Variants in RBFOX1 observed in about 807,000 individuals in gnomAD.
The protein encoded by RBFOX1 is RNA binding protein fox-1 homolog 1.
Under a neutral mutation model 57.7 loss-of-function variants are expected in RBFOX1, and 8 were observed. The observed-to-expected ratio is 0.14, with a 90% CI of 0.08 to 0.25. The LOEUF (loss-of-function observed/expected upper bound fraction) is 0.25, where lower values mean the gene tolerates loss of function less well. Ranked by LOEUF, RBFOX1 falls within the 10% of genes least tolerant of loss-of-function variation. RBFOX1 has a pLI of 1.00. For synonymous variants in RBFOX1, 326 were observed against 222.4 expected, an observed-to-expected ratio of 1.47 and a Z score of -4.15; for missense variants, 611 against 548.5, an observed-to-expected ratio of 1.11 and a Z score of -1.14.
chr16:6,865,873 C>G (rs1301865220), intron 3 of RBFOX1, among the ~76,000 whole-genome samples: 1 of 152,064 alleles, frequency 6.6e-6, no homozygotes, highest in African/African-American at 2.4e-5. Flanking sequence ...TTCTTCCTGA[C>G]AAGTCTTTTG....
chr16:5,858,444 A>C (rs1407463788), intron 3 of RBFOX1, among the ~76,000 whole-genome samples: 1 of 152,212 alleles, frequency 6.6e-6, no homozygotes, highest in Non-Finnish European at 1.5e-5. Flanking sequence ...CTTCAAGGGC[A>C]AACCAAGGAC....
At position 6,896,986 on chromosome 16, in the gene RBFOX1, G is replaced by C. The variant is rs114839644; in HGVS notation, c.-15-155071G>C. Among the ~76,000 whole-genome samples, 914 of 152,274 alleles carry C rather than the reference G, an allele frequency of 6.0e-3. 13 individuals carry two copies. The highest frequency in any genetic ancestry group is 0.021 in the African/African-American group (864 of 41,540). On this transcript the variant is annotated intron_variant, in intron 3 of 15. Transcript: ENST00000550418. ...CTGACAGGCCGTCTAAGGAAATGTC[G>C]TGGCTAACAGCAGCAGGGGACGCAC...
At chr16:6,092,464 T>G (rs892409825) in intron 1 of RBFOX1, 1 of 152,192 alleles carries the variant, frequency 6.6e-6, no homozygotes, top group South Asian at 2.1e-4. Flanking sequence ...TCTAATAAAT[T>G]GAAAATGTTA....
At chr16:7,425,367 C>G (rs956389954) in intron 4 of RBFOX1, among the ~76,000 whole-genome samples, 2 of 152,136 alleles carry the variant, frequency 1.3e-5, no homozygotes, top group Non-Finnish European at 2.9e-5. Flanking sequence ...TTACCTTCTC[C>G]ACGTCTTCAT....
intron 1 of RBFOX1, among the ~76,000 whole-genome samples, chr16:6,116,394 G>A (rs1231784542): frequency 6.6e-6 from 1 of 152,116 alleles, no homozygotes; most frequent in Admixed American, 6.6e-5. Flanking sequence ...TTCTGCACAT[G>A]TATCCCATAA....
intron 4 of RBFOX1, among the ~76,000 whole-genome samples, chr16:7,094,769 T>TGTGTGTGTGTGGGTGTGTGG (rs989908595): frequency 7.2e-6 from 1 of 138,890 alleles, no homozygotes; most frequent in African/African-American, 2.6e-5. Context: ...TGTGTGTGTG[T>TGTGTGTGTGTGGGTGTGTGG]GTGTGTGGGT....
intron 4 of RBFOX1, among the ~76,000 whole-genome samples, chr16:7,069,861 C>G (rs952662065): frequency 6.6e-6 from 1 of 152,204 alleles, no homozygotes; most frequent in African/African-American, 2.4e-5. Context: ...CCTTACATCA[C>G]TCCAAAATGT....
intron 3 of RBFOX1, among the ~76,000 whole-genome samples, chr16:5,773,588 A>G (rs1464752075): frequency 6.6e-6 from 1 of 152,264 alleles, no homozygotes; most frequent in Non-Finnish European, 1.5e-5. Flanking sequence ...CATTCTGAAC[A>G]GTGTAACAGT....
At chr16:7,665,078 C>A in intron 13 of RBFOX1, 110 bp downstream of exon 13, 2 of 1,601,382 alleles carry the variant, frequency 1.2e-6, no homozygotes, top group South Asian at 1.1e-5. Context: ...TCTCCTTGGT[C>A]TGTAGGAAAT....
intron 2 of RBFOX1, among the ~76,000 whole-genome samples, chr16:6,571,139 T>A (rs2097339057): frequency 6.6e-6 from 1 of 152,192 alleles, no homozygotes; most frequent in African/African-American, 2.4e-5. Flanking sequence ...GTTGACATCA[T>A]TTCAGGCATA....
chr16:5,455,004 T>C (rs2068581180), intron 1 of RBFOX1, among the ~76,000 whole-genome samples: 1 of 113,804 alleles, frequency 8.8e-6, no homozygotes, highest in Non-Finnish European at 1.9e-5. Context: ...TCTTTCTTTC[T>C]TTCTTTCTTT....
At chr16:5,846,099 T>A (rs2151855563) in intron 3 of RBFOX1, among the ~76,000 whole-genome samples, 1 of 151,934 alleles carries the variant, frequency 6.6e-6, no homozygotes, top group East Asian at 1.9e-4. Context: ...GGAGAATCAC[T>A]TGAACCTTGG....
intron 3 of RBFOX1, among the ~76,000 whole-genome samples, chr16:6,711,888 C>T (rs1163055755): frequency 1.3e-5 from 2 of 152,156 alleles, no homozygotes; most frequent in Non-Finnish European, 2.9e-5. Context: ...ACTCAAAAAC[C>T]ACTGTTTCAG....
chr16:7,034,109 C>T (rs2043576270), intron 3 of RBFOX1, among the ~76,000 whole-genome samples: 1 of 152,160 alleles, frequency 6.6e-6, no homozygotes, highest in African/African-American at 2.4e-5. Context: ...GCTTAAGTGC[C>T]ATCCCTGGAG....
chr16:7,373,448 T>G (rs1016088024), intron 4 of RBFOX1, among the ~76,000 whole-genome samples: 1 of 152,138 alleles, frequency 6.6e-6, no homozygotes, highest in African/African-American at 2.4e-5. Flanking sequence ...CTTGGTTTTG[T>G]GAGACCACTA....
At position 7,621,448 on chromosome 16, in the gene RBFOX1, A is replaced by G. The variant is rs575420113; in HGVS notation, c.677-9155A>G. The stretch of plus-strand genomic sequence containing the variant: ...GCTAATTATTGTATTTTTTTGTTAG[A>G]GACGGGTTTTGCCATGTTCTCCAGG... On this transcript the variant is annotated intron_variant, in intron 10 of 15. Coordinates refer to ENST00000550418, the MANE Select transcript of RBFOX1 (RefSeq NM_018723.4). Among the ~76,000 whole-genome samples the G allele has an allele frequency of 1.2e-4, 19 of 152,024 alleles. No homozygotes were observed. In the South Asian group the frequency reaches 2.1e-3, roughly 17 times the overall value.
intron 1 of RBFOX1, among the ~76,000 whole-genome samples, chr16:5,326,418 C>T (rs2064573851): frequency 6.6e-6 from 1 of 152,216 alleles, no homozygotes; most frequent in South Asian, 2.1e-4. Flanking sequence ...CCCATCCATA[C>T]ACTTGAGGCT....
intron 3 of RBFOX1, among the ~76,000 whole-genome samples, chr16:7,041,737 A>G (rs77889819): frequency 0.094 from 14,330 of 152,170 alleles, 1,117 homozygotes; most frequent in East Asian, 0.32. Flanking sequence ...TTGGGGAACA[A>G]AGCCAGGATT....
intron 3 of RBFOX1, among the ~76,000 whole-genome samples, chr16:5,610,865 C>G (rs1436037780): frequency 2.0e-5 from 3 of 152,040 alleles, no homozygotes; most frequent in Admixed American, 2.0e-4. Context: ...AAGACCCTAT[C>G]TGTCAAAAGA....
Sources: gnomAD v4.1 joint callset for allele counts (sites outside exome capture counted in the v4.1 genomes callset) on GRCh38, gnomAD v4.1.1 for gene constraint, MANE v1.5 for transcripts, NCBI Gene and HGNC (gene_info 2026-07-23, HGNC 2026-07-21) for gene names.